Variants in PTPRD observed in about 807,000 individuals in gnomAD.
PTPRD encodes receptor-type tyrosine-protein phosphatase delta.
Under a neutral mutation model 214.5 loss-of-function variants are expected in PTPRD, and 34 were observed. The ratio of observed to expected loss-of-function variants is 0.16; its 90% CI spans 0.12 to 0.21. The LOEUF (loss-of-function observed/expected upper bound fraction) is 0.21, where lower values mean the gene tolerates loss of function less well. PTPRD is among the 10% of genes least tolerant of loss of function. The pLI, the probability that PTPRD is intolerant of heterozygous loss-of-function variation, is 1.00. For missense variants in PTPRD, 2,545 were observed against 2,398.7 expected, an observed-to-expected ratio of 1.06 and a Z score of -1.27; for synonymous variants, 1,128 against 845.7, an observed-to-expected ratio of 1.33 and a Z score of -5.79.
intron 3 of PTPRD, among the ~76,000 whole-genome samples, chr9:10,204,328 C>G (rs2099454472): frequency 6.6e-6 from 1 of 152,150 alleles, no homozygotes; most frequent in Admixed American, 6.5e-5. Context: ...ATCTGTTCCA[C>G]ACCATGACAG....
chr9:8,558,000 C>A (rs1255689669), intron 14 of PTPRD, among the ~76,000 whole-genome samples: 11 of 151,616 alleles, frequency 7.3e-5, no homozygotes. Context: ...ACTGTGAAGC[C>A]TGAAAAAAAA....
At chr9:9,152,247 G>A (rs372348532) in intron 10 of PTPRD, among the ~76,000 whole-genome samples, 1 of 152,144 alleles carries the variant, frequency 6.6e-6, no homozygotes, top group Non-Finnish European at 1.5e-5. Flanking sequence ...ATAGGCATCT[G>A]ATTTGAATGC....
intron 4 of PTPRD, among the ~76,000 whole-genome samples, chr9:9,947,788 A>T (rs2092980799): frequency 6.8e-6 from 1 of 146,874 alleles, no homozygotes. Flanking sequence ...ACATGTATGA[A>T]CCTAAAAAAA....
intron 3 of PTPRD, among the ~76,000 whole-genome samples, chr9:10,162,147 A>G (rs2099131062): frequency 6.6e-6 from 1 of 151,652 alleles, no homozygotes; most frequent in Admixed American, 6.6e-5. Flanking sequence ...TCCTCAATAA[A>G]TGAAAAAATC....
At chr9:9,367,670 T>C (rs1275063987) in intron 9 of PTPRD, among the ~76,000 whole-genome samples, 1 of 151,608 alleles carries the variant, frequency 6.6e-6, no homozygotes, top group African/African-American at 2.4e-5. Flanking sequence ...GGGAGCTGTT[T>C]CCATCAAAAC....
chr9:9,008,250 A>T (rs564885532), intron 11 of PTPRD, among the ~76,000 whole-genome samples: 27 of 25,182 alleles, frequency 1.1e-3, no homozygotes, highest in Non-Finnish European at 1.6e-3. Context: ...TATTTTTGAG[A>T]CAGAGTCTCA....
At chr9:9,303,439 C>A (rs1956143992) in intron 9 of PTPRD, among the ~76,000 whole-genome samples, 1 of 152,002 alleles carries the variant, frequency 6.6e-6, no homozygotes, top group African/African-American at 2.4e-5. Context: ...CTATGTTTCT[C>A]ACTTTTACAA....
At chr9:9,907,424 G>T (rs1277996030) in intron 5 of PTPRD, among the ~76,000 whole-genome samples, 1 of 151,878 alleles carries the variant, frequency 6.6e-6, no homozygotes, top group Non-Finnish European at 1.5e-5. Flanking sequence ...GTTGTTGGTA[G>T]GTCTGGTTTC....
chr9:10,113,457 A>T lies in PTPRD; in HGVS notation c.-544-79667T>A, dbSNP rs184041959. Among the ~76,000 whole-genome samples the T allele has an allele frequency of 4.1e-4, 62 of 152,154 alleles. No homozygotes were observed. In the East Asian group the frequency reaches 9.5e-3, roughly 23 times the overall value. On this transcript the variant is annotated intron_variant, in intron 3 of 45. Coordinates refer to ENST00000381196, the MANE Select transcript of PTPRD (RefSeq NM_002839.4). The stretch of plus-strand genomic sequence containing the variant: ...CTGCTGCTCAATAACTCAAACACCA[A>T]CCTCCAACTTCAGAAGTCAAATAAA...
intron 9 of PTPRD, among the ~76,000 whole-genome samples, chr9:9,288,306 G>C (rs939275168): frequency 2.0e-5 from 3 of 151,752 alleles, no homozygotes; most frequent in Admixed American, 6.6e-5. Flanking sequence ...GCTATGCTAT[G>C]TATGTAAAAT....
intron 12 of PTPRD, among the ~76,000 whole-genome samples, chr9:8,729,698 A>C (rs181256146): frequency 4.6e-5 from 7 of 152,350 alleles, no homozygotes; most frequent in Admixed American, 1.3e-4. Flanking sequence ...CAAAATGACA[A>C]AGATATGGGA....
intron 12 of PTPRD, among the ~76,000 whole-genome samples, chr9:8,720,169 G>C (rs951879764): frequency 2.0e-5 from 3 of 152,198 alleles, no homozygotes; most frequent in Non-Finnish European, 2.9e-5. Flanking sequence ...ACTCTGGCTG[G>C]AATGCCAAGA....
intron 3 of PTPRD, among the ~76,000 whole-genome samples, chr9:10,034,982 G>T (rs1420312459): frequency 6.6e-6 from 1 of 152,120 alleles, no homozygotes; most frequent in Non-Finnish European, 1.5e-5. Flanking sequence ...TAATAGGATT[G>T]CTGGGTCAAT....
intron 10 of PTPRD, among the ~76,000 whole-genome samples, chr9:9,041,226 T>C (rs943540393): frequency 6.6e-6 from 1 of 152,164 alleles, no homozygotes; most frequent in African/African-American, 2.4e-5. Flanking sequence ...TTAACTTTTA[T>C]TTTAAGCTCA....
chr9:9,748,366 G>A (rs1367076574), intron 6 of PTPRD, among the ~76,000 whole-genome samples: 2 of 152,154 alleles, frequency 1.3e-5, no homozygotes, highest in Admixed American at 6.5e-5. Flanking sequence ...CCATAGAAGT[G>A]TTTAATAAAT....
intron 11 of PTPRD, among the ~76,000 whole-genome samples, chr9:8,804,048 G>A (rs905071544): frequency 1.3e-5 from 2 of 152,022 alleles, no homozygotes; most frequent in African/African-American, 4.8e-5. Flanking sequence ...TGCCCCCTGG[G>A]TTCAAGCAAT....
At chr9:8,601,788 C>T (rs1379294564) in intron 14 of PTPRD, among the ~76,000 whole-genome samples, 1 of 152,082 alleles carries the variant, frequency 6.6e-6, no homozygotes, top group African/African-American at 2.4e-5. Context: ...ATCAAAAGCA[C>T]ATATTATCAG....
intron 9 of PTPRD, among the ~76,000 whole-genome samples, chr9:9,285,962 C>T (rs1949220537): frequency 6.6e-6 from 1 of 151,746 alleles, no homozygotes; most frequent in Non-Finnish European, 1.5e-5. Context: ...CTGCCAGAGG[C>T]ATTTCAGACT....
chr9:9,311,704 T>C (rs1456296806), intron 9 of PTPRD, among the ~76,000 whole-genome samples: 2 of 152,176 alleles, frequency 1.3e-5, no homozygotes, highest in African/African-American at 4.8e-5. Context: ...ATCTACAATG[T>C]TATCATTATA....
Sources: gnomAD v4.1 joint callset for allele counts (sites outside exome capture counted in the v4.1 genomes callset) on GRCh38, gnomAD v4.1.1 for gene constraint, MANE v1.5 for transcripts, NCBI Gene and HGNC (gene_info 2026-07-23, HGNC 2026-07-21) for gene names.